Variants in TBCK observed in about 807,000 individuals in gnomAD.
The protein encoded by TBCK is TBC1 domain containing kinase.
TBCK carries 99 observed loss-of-function variants against 113.4 expected under a neutral mutation model. That is an observed-to-expected ratio of 0.87 (90% confidence interval 0.74 to 1.03). TBCK has a LOEUF of 1.03. Ranked by LOEUF, TBCK falls within the 50% of genes least tolerant of loss-of-function variation. The pLI, the probability that TBCK is intolerant of heterozygous loss-of-function variation, is 0.00. For synonymous variants in TBCK, 369 were observed against 370.8 expected (o/e 1.00, Z 0.05); for missense variants, 1,045 against 1,061.3 (o/e 0.98, Z 0.21).
intron 20 of TBCK, among the ~76,000 whole-genome samples, chr4:106,211,835 A>G (rs972049169): frequency 2.0e-5 from 3 of 152,122 alleles, no homozygotes; most frequent in African/African-American, 4.8e-5. Context: ...TATACACTAA[A>G]TTCTATTTTA....
chr4:106,118,003 C>T (rs7674381), intron 23 of TBCK, among the ~76,000 whole-genome samples: 30,078 of 145,550 alleles, frequency 0.21, 3,399 homozygotes, highest in South Asian at 0.27. Flanking sequence ...AGTGAGACTC[C>T]GTCTCAAAAA....
At chr4:106,178,210 C>A (rs1028695960) in intron 22 of TBCK, among the ~76,000 whole-genome samples, 4 of 151,906 alleles carry the variant, frequency 2.6e-5, no homozygotes, top group African/African-American at 9.7e-5. Context: ...TCTGTTCTAA[C>A]AGTTTTTTGG....
intron 19 of TBCK, among the ~76,000 whole-genome samples, chr4:106,219,737 C>T (rs891222892): frequency 6.6e-6 from 1 of 151,568 alleles, no homozygotes; most frequent in Admixed American, 6.6e-5. Context: ...CTGGGTTTTG[C>T]TATGTTGTCT....
chr4:106,171,218 A>G lies in TBCK; in HGVS notation c.2112T>C (p.Thr704=). ...GCTGTCTGTAAGTAGCACTTTTAGG[A>G]GTCCAACAAAACAGGTTGATAGATT... ...VRESINLFCW[T]PKSATYRQHA... The change falls in exon 23 of 26, where the codon ACT becomes ACC. Residue 704 remains threonine, a synonymous_variant. Transcript: ENST00000394708. The G allele has an allele frequency of 6.2e-7, 1 of 1,612,418 alleles. No homozygotes were observed. The highest frequency in any genetic ancestry group is 8.5e-7 in the Non-Finnish European group (1 of 1,179,260).
intron 24 of TBCK, among the ~76,000 whole-genome samples, chr4:106,112,232 A>G (rs1000532954): frequency 3.3e-5 from 5 of 152,228 alleles, no homozygotes; most frequent in African/African-American, 1.2e-4. Context: ...TGATATCATC[A>G]GGATTCCTTT....
intron 23 of TBCK, among the ~76,000 whole-genome samples, chr4:106,119,526 A>G (rs1743990257): frequency 6.6e-6 from 1 of 152,226 alleles, no homozygotes; most frequent in Admixed American, 6.5e-5. Flanking sequence ...GATGAATTAA[A>G]GACTTGAATA....
rs747182233 is a variant in TBCK, at chr4:106,309,007, T to C, written c.-29-18A>G. 1 of 1,526,134 alleles carries C rather than the reference T, an allele frequency of 6.6e-7. No homozygotes were observed. The allele number at this position is 1,526,134 out of a possible 1,614,324, so 94.5% of individuals were successfully genotyped here. A position where few individuals can be genotyped will look rare whatever the true frequency, so the allele number is the denominator to read the frequency against. Reference sequence around the variant, plus strand: ...AAGATAATCTGGAAAAGGAGAGAATTTTAGGACAGACCAAACATTAAGCCA... The same window carrying C: ...AAGATAATCTGGAAAAGGAGAGAATCTTAGGACAGACCAAACATTAAGCCA... On this transcript the variant is annotated intron_variant, in intron 1 of 25. Coordinates refer to ENST00000394708, the MANE Select transcript of TBCK (RefSeq NM_001163435.3).
intron 3 of TBCK, among the ~76,000 whole-genome samples, chr4:106,264,504 A>G (rs1762804135): frequency 6.6e-6 from 1 of 151,972 alleles, no homozygotes; most frequent in Non-Finnish European, 1.5e-5. Flanking sequence ...GAGTCAGAAG[A>G]CGTAAGGCCC....
Position 106,233,152 on chromosome 4 carries a change from G to A in TBCK, c.1513-88C>T, listed in dbSNP as rs1759057211. On this transcript the variant is annotated intron_variant, in intron 16 of 25. Transcript: ENST00000394708. Reference sequence around the variant, plus strand: ...TCCTTGTTCATTAAATAAGGAAAAGGAGAAGCTATAATATGAATTTCAAAA... The same window carrying A: ...TCCTTGTTCATTAAATAAGGAAAAGAAGAAGCTATAATATGAATTTCAAAA... 2.3e-5 allele frequency: 30 copies of A among 1,281,800 alleles called. No homozygotes were observed. In the South Asian group the frequency reaches 4.5e-4, roughly 19 times the overall value. 79.4% of individuals were successfully genotyped at this position (1,281,800 alleles called of 1,614,324 possible). A position where few individuals can be genotyped will look rare whatever the true frequency, so the allele number is the denominator to read the frequency against.
In TBCK at chr4:106,247,233, T is replaced by G; in HGVS notation, c.837A>C (p.Leu279Phe). 1 of 1,612,600 alleles carries G rather than the reference T, an allele frequency of 6.2e-7. No homozygotes were observed. Among genetic ancestry groups the G allele is most frequent in the Non-Finnish European group, 8.5e-7 (1 of 1,178,878 alleles). Reference protein sequence around the residue: ...KDKVFSEVSPLYTPFTKPASL... With the variant: ...KDKVFSEVSPFYTPFTKPASL... ...TGGCAGGTTTGGTAAAGGGGGTATA[T>G]AAAGGTGATACCTCACTGAATACTT... Residue 279 changes from leucine (L) to phenylalanine (F), a missense_variant, in exon 10 of 26, where the codon TTA becomes TTC. By Grantham distance (22) the Leu-to-Phe change is conservative. Transcript: ENST00000394708.
chr4:106,252,179 A>G (rs952363359), intron 5 of TBCK, among the ~76,000 whole-genome samples, 172 bp from the exon 6 acceptor site: 3 of 152,022 alleles, frequency 2.0e-5, no homozygotes, highest in Admixed American at 6.6e-5. Context: ...AATGTCAAGG[A>G]ATCAAGAGAA....
At chr4:106,212,135 A>G (rs939797755) in intron 20 of TBCK, among the ~76,000 whole-genome samples, 1 of 152,044 alleles carries the variant, frequency 6.6e-6, no homozygotes, top group African/African-American at 2.4e-5. Context: ...TTATTAATTT[A>G]TTTTCCTCTC....
chr4:106,143,770 C>T (rs1472527893), intron 23 of TBCK, among the ~76,000 whole-genome samples: 4 of 151,940 alleles, frequency 2.6e-5, no homozygotes, highest in African/African-American at 7.3e-5. Flanking sequence ...CAAAATTAGC[C>T]GGGCATGGTG....
intron 20 of TBCK, among the ~76,000 whole-genome samples, chr4:106,197,397 G>GTT (rs1161079709): frequency 9.9e-6 from 1 of 100,636 alleles, no homozygotes; most frequent in African/African-American, 3.0e-5. Context: ...GTGTGTGTGT[G>GTT]TGTGTGTGTG....
At chr4:106,139,881 T>C (rs1314729806) in intron 23 of TBCK, among the ~76,000 whole-genome samples, 1 of 141,022 alleles carries the variant, frequency 7.1e-6, no homozygotes, top group Non-Finnish European at 1.6e-5. Flanking sequence ...TTCTACATTC[T>C]GAAACACAAA....
chr4:106,182,272 A>C (rs913793588), intron 22 of TBCK: 2 of 152,192 alleles, frequency 1.3e-5, no homozygotes, highest in African/African-American at 2.4e-5. Flanking sequence ...TTCGGGGCTG[A>C]GATGATGGGG....
chr4:106,261,707 A>G (rs1762525309), intron 4 of TBCK, among the ~76,000 whole-genome samples: 1 of 152,094 alleles, frequency 6.6e-6, no homozygotes, highest in African/African-American at 2.4e-5. Flanking sequence ...GCAGAAGAAA[A>G]ATAGAGAAAA....
chr4:106,285,587 C>T (rs931321860), intron 3 of TBCK, among the ~76,000 whole-genome samples: 10 of 152,032 alleles, frequency 6.6e-5, no homozygotes, highest in Non-Finnish European at 1.2e-4. Context: ...AAATTTCTTA[C>T]CAAATATTTA....
intron 20 of TBCK, among the ~76,000 whole-genome samples, chr4:106,200,927 A>C (rs1194938208): frequency 6.6e-6 from 1 of 152,118 alleles, no homozygotes; most frequent in Non-Finnish European, 1.5e-5. Flanking sequence ...AATAATGAGA[A>C]AATGAGTTAG....
Sources: gnomAD v4.1 joint callset for allele counts (sites outside exome capture counted in the v4.1 genomes callset) on GRCh38, gnomAD v4.1.1 for gene constraint, MANE v1.5 for transcripts, NCBI Gene and HGNC (gene_info 2026-07-23, HGNC 2026-07-21) for gene names.